CRYBA4: variants seen among roughly 807,000 people sequenced by gnomAD.
CRYBA4 encodes the protein beta-crystallin A4.
In CRYBA4, 30 loss-of-function variants were observed where a neutral mutation model predicts 31.7. That is an observed-to-expected ratio of 0.95 (90% confidence interval 0.71 to 1.28). The LOEUF (loss-of-function observed/expected upper bound fraction) is 1.28, where lower values mean the gene tolerates loss of function less well. Ranked by LOEUF, CRYBA4 falls within the 50% of genes most tolerant of loss-of-function variation. The pLI is 0.00. For synonymous variants in CRYBA4, 102 were observed against 102.3 expected, an observed-to-expected ratio of 1.00 and a Z score of 0.02; for missense variants, 225 against 260.7, an observed-to-expected ratio of 0.86 and a Z score of 0.94.
the CRYBA4 span, among the ~76,000 whole-genome samples, chr22:26,592,006 A>G: frequency 6.6e-6 from 1 of 152,106 alleles, no homozygotes; most frequent in African/African-American, 2.4e-5. Context: ...TCATTAATTC[A>G]TTCATGTGTC....
chr22:26,590,402 G>A, the CRYBA4 span, among the ~76,000 whole-genome samples: 29 of 152,200 alleles, frequency 1.9e-4, no homozygotes, highest in African/African-American at 6.8e-4. Context: ...CTGCCTGTAA[G>A]CAATGAAGTG....
chr22:26,595,914 A>C, the CRYBA4 span, among the ~76,000 whole-genome samples: 1 of 151,796 alleles, frequency 6.6e-6, no homozygotes, highest in Non-Finnish European at 1.5e-5. Context: ...CTGGGACTAC[A>C]GGCATGCACC....
chr22:26,600,201 A>T, the CRYBA4 span, among the ~76,000 whole-genome samples: 1 of 152,164 alleles, frequency 6.6e-6, no homozygotes, highest in African/African-American at 2.4e-5. Flanking sequence ...GGAGATCGAG[A>T]CCATCCTGGT....
At chr22:26,603,578 C>A in the CRYBA4 span, among the ~76,000 whole-genome samples, 1 of 151,370 alleles carries the variant, frequency 6.6e-6, no homozygotes, top group African/African-American at 2.4e-5. Context: ...GTGGGATTGT[C>A]ATGGCTACTC....
intron 3 of CRYBA4, 71 bp from the exon 4 acceptor site, chr22:26,625,410 C>T: frequency 6.4e-7 from 1 of 1,569,014 alleles, no homozygotes; most frequent in South Asian, 1.1e-5. Context: ...CCGTTCTAGA[C>T]CCAATTGCTG....
chr22:26,623,890 C>A (rs995588446), intron 3 of CRYBA4, among the ~76,000 whole-genome samples: 2 of 152,040 alleles, frequency 1.3e-5, no homozygotes, highest in South Asian at 4.2e-4. Flanking sequence ...TTCAGTGGAC[C>A]TGTCTGCAAT....
the CRYBA4 span, among the ~76,000 whole-genome samples, chr22:26,602,546 A>G: frequency 6.6e-6 from 1 of 151,592 alleles, no homozygotes; most frequent in Non-Finnish European, 1.5e-5. Flanking sequence ...AGATATGATT[A>G]CACCACTGCA....
At chr22:26,607,990 C>A in the CRYBA4 span, 1 of 1,614,194 alleles carries the variant, frequency 6.2e-7, no homozygotes. Context: ...AACATCTCCC[C>A]GCGGAAGTTG....
At chr22:26,622,756 T>C (rs1929573054) in intron 2 of CRYBA4, 121 bp downstream of exon 2, 1 of 797,938 alleles carries the variant, frequency 1.3e-6, no homozygotes, top group East Asian at 2.5e-5. Flanking sequence ...AGGCTCAGAG[T>C]TGAGAAGGGA....
the CRYBA4 span, among the ~76,000 whole-genome samples, chr22:26,608,930 A>T: frequency 2.0e-5 from 3 of 152,150 alleles, no homozygotes; most frequent in Admixed American, 2.0e-4. Context: ...AATTAGATGG[A>T]AGATTTTCCT....
chr22:26,630,523 AT>A lies in CRYBA4; in HGVS notation c.*37del, dbSNP rs1569213161. The A allele has an allele frequency of 1.3e-6, 2 of 1,591,310 alleles. No individual in the cohort carries two copies. Among genetic ancestry groups the A allele is most frequent in the African/African-American group, 2.7e-5 (2 of 74,648 alleles). On this transcript the variant is annotated 3_prime_UTR_variant, in exon 6 of 6. Coordinates refer to ENST00000354760, the MANE Select transcript of CRYBA4 (RefSeq NM_001886.3). ...GGCACGGAGGAGCGCATGCGTGCTT[AT>A]CTGCAATGGAGGCGCTCTGGAGGCT...
the CRYBA4 span, among the ~76,000 whole-genome samples, chr22:26,604,791 G>T: frequency 6.6e-6 from 1 of 152,222 alleles, no homozygotes; most frequent in East Asian, 1.9e-4. Context: ...GCAATTACCA[G>T]CCAGTGGTAA....
At chr22:26,623,193 A>T in intron 2 of CRYBA4, 41 bp from the exon 3 acceptor site, 1 of 1,533,948 alleles carries the variant, frequency 6.5e-7, no homozygotes, top group South Asian at 1.1e-5. Flanking sequence ...CCTTCACGGG[A>T]CTCTGATGCG....
Position 26,628,326 on chromosome 22 carries a change from G to C in CRYBA4, c.339G>C (p.Glu113Asp), listed in dbSNP as rs754805045. Reference sequence around the variant, plus strand: ...CGAGGCTGACAATCTTCGAGCAAGAGAACTTCCTGGGCAAGAAAGGAGAGC... The same window carrying C: ...CGAGGCTGACAATCTTCGAGCAAGACAACTTCCTGGGCAAGAAAGGAGAGC... ...RDSRLTIFEQ[E>D]NFLGKKGELS... Residue 113 changes from glutamate to aspartate, a missense_variant, in exon 5 of 6, where the codon GAG (glutamate) becomes GAC (aspartate). By Grantham distance (45) the Glu-to-Asp change is conservative. Coordinates refer to ENST00000354760, the MANE Select transcript of CRYBA4 (RefSeq NM_001886.3). 2 of 1,614,046 alleles carry C rather than the reference G, an allele frequency of 1.2e-6. No individual in the cohort carries two copies. The highest frequency in any genetic ancestry group is 1.7e-6 in the Non-Finnish European group (2 of 1,180,010).
At chr22:26,602,835 G>A in the CRYBA4 span, among the ~76,000 whole-genome samples, 21,784 of 151,986 alleles carry the variant, frequency 0.14, 2,059 homozygotes, top group South Asian at 0.3. Context: ...TTCAAATCCT[G>A]CCTCTAGGCC....
Position 26,630,466 on chromosome 22 carries a change from C to T in CRYBA4, c.570C>T (p.Ser190=). 1 of 1,613,874 alleles carries T rather than the reference C, an allele frequency of 6.2e-7. No individual in the cohort carries two copies. The highest frequency in any genetic ancestry group is 8.5e-7 in the Non-Finnish European group (1 of 1,179,964). ...ATGCCCCGACCTTCCAGGTGCAGAG[C>T]ATCCGCAGGATCCAGCAGTGAACAG... ...GSHAPTFQVQ[S]IRRIQQ is the part of the protein sequence containing the mutation. The change falls in exon 6 of 6, where the codon AGC becomes AGT. Residue 190 remains serine (S), a synonymous_variant. Coordinates refer to ENST00000354760, the MANE Select transcript of CRYBA4 (RefSeq NM_001886.3).
the CRYBA4 span, chr22:26,599,461 G>A: frequency 3.5e-5 from 56 of 1,587,056 alleles, no homozygotes; most frequent in African/African-American, 7.4e-4. Flanking sequence ...AAGAAGGGTT[G>A]GGGCAAGGTA....
chr22:26,592,617 G>A, the CRYBA4 span, among the ~76,000 whole-genome samples: 1 of 152,234 alleles, frequency 6.6e-6, no homozygotes, highest in African/African-American at 2.4e-5. Flanking sequence ...GAGATCAGAG[G>A]TGTCTGCAGG....
intron 1 of CRYBA4, 129 bp from the exon 2 acceptor site, chr22:26,622,456 T>C: frequency 1.3e-6 from 1 of 771,806 alleles, no homozygotes; most frequent in Non-Finnish European, 2.3e-6. Flanking sequence ...GCCAAAGCCA[T>C]GCATTGCCCC....
Sources: allele counts gnomAD v4.1 joint callset (sites outside exome capture counted in the v4.1 genomes callset), GRCh38; gene constraint gnomAD v4.1.1; transcripts MANE v1.5; gene names NCBI Gene and HGNC (gene_info 2026-07-23, HGNC 2026-07-21).